Variants in AP2A2 observed in about 807,000 individuals in gnomAD.
AP2A2 encodes the protein adaptor related protein complex 2 subunit alpha 2, also known as AP-2 complex subunit alpha-2.
Under a neutral mutation model 104.2 loss-of-function variants are expected in AP2A2, and 32 were observed. The observed-to-expected ratio is 0.31, with a 90% CI of 0.23 to 0.41. The LOEUF (loss-of-function observed/expected upper bound fraction) is 0.41, where lower values mean the gene tolerates loss of function less well. AP2A2 is among the 10% of genes least tolerant of loss of function. The pLI is 1.00. For missense variants in AP2A2, 912 were observed against 1,261.0 expected (o/e 0.72, Z 4.19); for synonymous variants, 539 against 533.3 (o/e 1.01, Z -0.15).
At chr11:1,008,974 G>GC (rs1172025601) in intron 18 of AP2A2, 126 bp from the exon 19 acceptor site, 1 of 739,822 alleles carries the variant, frequency 1.4e-6, no homozygotes, top group Non-Finnish European at 2.2e-6. Flanking sequence ...TGAAGGCTCG[G>GC]CCCCCCGACC....
chr11:992,798 C>T lies in AP2A2; in HGVS notation c.1452+113C>T. ...GTGCCGAGGGCCGTTGCTGACCCCT[C>T]TTGCCCCTCAGCTCTTCCCTGAGGC... On this transcript the variant is annotated intron_variant, in intron 11 of 21. Transcript: ENST00000448903. This position sits in a 1 kb window ranked among gnomAD's most constrained non-coding sequence, Gnocchi z 6.4. The T allele has an allele frequency of 8.7e-7, 1 of 1,146,674 alleles. No individual in the cohort carries two copies. Among genetic ancestry groups the T allele is most frequent in the Non-Finnish European group, 1.3e-6 (1 of 787,916 alleles). 71.0% of individuals were successfully genotyped at this position (1,146,674 alleles called of 1,614,324 possible). A position where few individuals can be genotyped will look rare whatever the true frequency, so the allele number is the denominator to read the frequency against.
At chr11:971,292 A>G (rs1374552219) in intron 3 of AP2A2, among the ~76,000 whole-genome samples, 1 of 144,170 alleles carries the variant, frequency 6.9e-6, no homozygotes, top group Non-Finnish European at 1.5e-5. Flanking sequence ...AGGGAGGGGA[A>G]GTTAACTGGG....
At chr11:971,754 G>A (rs756124327) in intron 3 of AP2A2, among the ~76,000 whole-genome samples, 2 of 152,198 alleles carry the variant, frequency 1.3e-5, no homozygotes, top group Non-Finnish European at 2.9e-5. Context: ...CAGACGCGTG[G>A]CCCACAGTGA....
intron 3 of AP2A2, among the ~76,000 whole-genome samples, chr11:971,383 G>T (rs536009057): frequency 6.6e-6 from 1 of 152,328 alleles, no homozygotes; most frequent in African/African-American, 2.4e-5. Flanking sequence ...GGGCTGAAAG[G>T]GCAGTGGTGT....
chr11:975,562 C>T (rs112651819), intron 4 of AP2A2, among the ~76,000 whole-genome samples: 2,556 of 51,410 alleles, frequency 0.05, no homozygotes, highest in Admixed American at 0.1. Flanking sequence ...CGGTCTCCCT[C>T]GTGTGAGCCG....
intron 18 of AP2A2, chr11:1,008,544 G>A (rs889299066): frequency 4.8e-5 from 10 of 206,334 alleles, no homozygotes; most frequent in African/African-American, 1.2e-4. Context: ...AGCTCAGATC[G>A]TACCACTTTG....
In AP2A2 at chr11:957,592, A is replaced by G. The variant is rs1286932311; in HGVS notation, c.68-1845A>G. Among the ~76,000 whole-genome samples the G allele has an allele frequency of 2.0e-5, 3 of 152,226 alleles. No individual in the cohort carries two copies. The East Asian group carries it at 5.8e-4, about 29-fold the overall frequency. On this transcript the variant is annotated intron_variant, in intron 1 of 21. Transcript: ENST00000448903. ...TCTTATGGCCTGCCTTGGGGAAAAA[A>G]TAACAAGAGCTGTGAGAGTTTTGAG...
At position 993,773 on chromosome 11, in the gene AP2A2, C is replaced by A; in HGVS notation, c.1570C>A (p.Leu524Met). Residue 524 changes from leucine to methionine, a missense_variant, in exon 13 of 22, where the codon CTG (leucine) becomes ATG (methionine). Around this residue, in one of 7 missense-constraint regions of AP2A2, gnomAD observed 137 missense variants for 186.9 expected, o/e 0.73. Transcript: ENST00000448903. This position sits in a 1 kb window ranked among gnomAD's most constrained non-coding sequence, Gnocchi z 8.2. ...PRSSPLIQFH[L>M]LHSKFHLCSV... ...CCCCAGCCCGCTGATCCAGTTCCAC[C>A]TGCTGCACTCCAAGTTCCACCTGTG... 6.2e-7 allele frequency: 1 copy of A among 1,601,604 alleles called. No homozygotes were observed. Among genetic ancestry groups the A allele is most frequent in the Non-Finnish European group, 8.5e-7 (1 of 1,176,778 alleles).
chr11:1,004,011 G>A (rs1856114658), intron 16 of AP2A2, among the ~76,000 whole-genome samples: 1 of 151,842 alleles, frequency 6.6e-6, no homozygotes, highest in Non-Finnish European at 1.5e-5. Context: ...CAACCAGAGG[G>A]GGTGGCGGGG....
chr11:941,072 C>T (rs986132385), intron 1 of AP2A2, among the ~76,000 whole-genome samples: 4 of 152,130 alleles, frequency 2.6e-5, no homozygotes, highest in African/African-American at 7.2e-5. Context: ...AGATGGGGGC[C>T]GAGGGGCCTG....
chr11:964,808 A>G (rs867741544), intron 2 of AP2A2, among the ~76,000 whole-genome samples: 23,976 of 82,982 alleles, frequency 0.29, 4,893 homozygotes, highest in Middle Eastern at 0.44. Context: ...AAGCGTGGAA[A>G]TGGAAAGCAT....
chr11:984,996 C>G (rs1322941983), intron 7 of AP2A2, among the ~76,000 whole-genome samples: 1 of 152,150 alleles, frequency 6.6e-6, no homozygotes, highest in Non-Finnish European at 1.5e-5. Context: ...TGCAGGTTTT[C>G]TTTTTGAGAT....
intron 21 of AP2A2, 54 bp from the exon 22 acceptor site, chr11:1,010,494 G>A (rs1056086688): frequency 2.1e-6 from 3 of 1,455,762 alleles, no homozygotes; most frequent in Non-Finnish European, 2.8e-6. Context: ...TCCTGGACCC[G>A]AGGGCTGTGT....
At chr11:963,769 C>T (rs568781158) in intron 2 of AP2A2, among the ~76,000 whole-genome samples, 6 of 152,326 alleles carry the variant, frequency 3.9e-5, no homozygotes, top group South Asian at 2.1e-4. Flanking sequence ...ACCACAGGCG[C>T]GCACCACCAC....
At position 1,008,911 on chromosome 11, in the gene AP2A2, C is replaced by T; in HGVS notation, c.2421-189C>T. ...GCCTGAGTATGCGGCCCTGGCCTGTCCTCCTGTCTGTGGGTGACACTGGAC... is the reference window on the plus strand; with the variant it reads ...GCCTGAGTATGCGGCCCTGGCCTGTTCTCCTGTCTGTGGGTGACACTGGAC... On this transcript the variant is annotated intron_variant, in intron 18 of 21. Transcript: ENST00000448903. 5.0e-6 allele frequency: 3 copies of T among 602,312 alleles called. No homozygotes were observed. In the East Asian group the frequency reaches 8.3e-5, roughly 17 times the overall value. The allele number at this position is 602,312 out of a possible 1,614,324, so 37.3% of individuals were successfully genotyped here.
chr11:926,319 G>A (rs1390623800), intron 1 of AP2A2, among the ~76,000 whole-genome samples: 6 of 141,352 alleles, frequency 4.2e-5, no homozygotes, highest in Non-Finnish European at 7.7e-5. Flanking sequence ...GGCGCTCAGA[G>A]TCTTGGGGTA....
At chr11:958,898 C>T (rs1459311351) in intron 1 of AP2A2, among the ~76,000 whole-genome samples, 2 of 152,146 alleles carry the variant, frequency 1.3e-5, no homozygotes, top group East Asian at 1.9e-4. Flanking sequence ...TGAGCTGAGT[C>T]TTGAAGGATG....
At chr11:943,743 G>A (rs1479753843) in intron 1 of AP2A2, among the ~76,000 whole-genome samples, 3 of 150,360 alleles carry the variant, frequency 2.0e-5, no homozygotes, top group African/African-American at 4.9e-5. Context: ...AGTCCCGACC[G>A]GAGATGCAGG....
In AP2A2 at chr11:992,560, G is replaced by A; in HGVS notation, c.1327G>A (p.Asp443Asn). 3 of 1,613,394 alleles carry A rather than the reference G, an allele frequency of 1.9e-6. No homozygotes were observed. Among genetic ancestry groups the A allele is most frequent in the Non-Finnish European group, 2.5e-6 (3 of 1,179,660 alleles). The change falls in exon 11 of 22, where the codon GAT becomes AAT. Residue 443 changes from aspartate (D) to asparagine (N), a missense_variant. By Grantham distance (23) the Asp-to-Asn change is conservative (BLOSUM62 1). This residue lies in a region of AP2A2 where 350 missense variants were observed against 487.0 expected (regional missense o/e 0.72). Coordinates refer to ENST00000448903, the MANE Select transcript of AP2A2 (RefSeq NM_012305.4). The surrounding 1 kb of genome is among the most constrained non-coding windows in gnomAD (Gnocchi z 6.4). ...CGCGGTGGACTACACCTGGTATGTG[G>A]ATACCATCTTGAACTTGATCCGAAT... Reference protein sequence around the residue: ...KYAVDYTWYVDTILNLIRIAG... With the variant: ...KYAVDYTWYVNTILNLIRIAG...
Sources: allele counts gnomAD v4.1 joint callset (sites outside exome capture counted in the v4.1 genomes callset), GRCh38; gene constraint gnomAD v4.1.1; regional missense constraint gnomAD v4.1.1; non-coding constraint Gnocchi (gnomAD v3.1); transcripts MANE v1.5; gene names NCBI Gene and HGNC (gene_info 2026-07-23, HGNC 2026-07-21).